Variants in CNTN5 observed in about 807,000 individuals in gnomAD.
CNTN5 encodes contactin 5.
Under a neutral mutation model 129.1 loss-of-function variants are expected in CNTN5, and 77 were observed. The observed-to-expected ratio is 0.60, with a 90% CI of 0.50 to 0.72. The LOEUF (loss-of-function observed/expected upper bound fraction) is 0.72, where lower values mean the gene tolerates loss of function less well. Ranked by LOEUF, CNTN5 falls within the 30% of genes least tolerant of loss-of-function variation. The pLI, the probability that CNTN5 is intolerant of heterozygous loss-of-function variation, is 0.00. For synonymous variants in CNTN5, 509 were observed against 465.6 expected (o/e 1.09, Z -1.20); for missense variants, 1,478 against 1,328.8 (o/e 1.11, Z -1.75).
chr11:99,309,671 T>A (rs1865024185), intron 1 of CNTN5, among the ~76,000 whole-genome samples: 1 of 152,228 alleles, frequency 6.6e-6, no homozygotes. Context: ...GTTTGCTATC[T>A]AAATACCTAC....
At chr11:99,885,788 G>T (rs1379908570) in intron 6 of CNTN5, among the ~76,000 whole-genome samples, 2 of 152,108 alleles carry the variant, frequency 1.3e-5, no homozygotes, top group African/African-American at 4.8e-5. Flanking sequence ...ACAACTCCAA[G>T]TGTAATAGAG....
At chr11:99,734,331 C>T (rs1211589208) in intron 3 of CNTN5, among the ~76,000 whole-genome samples, 1 of 152,118 alleles carries the variant, frequency 6.6e-6, no homozygotes, top group Non-Finnish European at 1.5e-5. Flanking sequence ...AGATCTTATT[C>T]ATTCTATCTA....
chr11:99,756,476 G>A (rs1730420738), intron 3 of CNTN5, among the ~76,000 whole-genome samples: 1 of 152,066 alleles, frequency 6.6e-6, no homozygotes. Flanking sequence ...GAAGTTTCAG[G>A]AAAGGTAGAT....
intron 3 of CNTN5, among the ~76,000 whole-genome samples, chr11:99,586,434 G>C (rs768256261): frequency 5.3e-5 from 8 of 152,036 alleles, no homozygotes; most frequent in Non-Finnish European, 1.2e-4. Flanking sequence ...TAGTTTATTC[G>C]TTTTCTTTTT....
At chr11:99,305,538 G>A (rs572628481) in intron 1 of CNTN5, among the ~76,000 whole-genome samples, 4 of 152,120 alleles carry the variant, frequency 2.6e-5, no homozygotes, top group South Asian at 2.1e-4. Flanking sequence ...TTTTATATAC[G>A]GTCTTTCAGA....
intron 3 of CNTN5, among the ~76,000 whole-genome samples, chr11:99,805,827 C>T (rs1225453408): frequency 6.6e-6 from 1 of 152,060 alleles, no homozygotes; most frequent in African/African-American, 2.4e-5. Context: ...CTGTCATTTT[C>T]TAAAAGGAGA....
At chr11:99,735,007 CAAAACA>C (rs72075479) in intron 3 of CNTN5, among the ~76,000 whole-genome samples, 33,564 of 151,608 alleles carry the variant, frequency 0.22, 4,238 homozygotes, top group African/African-American at 0.36. Flanking sequence ...GACTCCGTCT[CAAAACA>C]AAAACAAAAA....
chr11:100,067,885 G>A (rs1943757390), intron 10 of CNTN5, among the ~76,000 whole-genome samples: 1 of 151,840 alleles, frequency 6.6e-6, no homozygotes, highest in African/African-American at 2.4e-5. Flanking sequence ...TTGTATTAAT[G>A]TCATTAATCA....
chr11:99,675,178 A>G (rs1473610248), intron 3 of CNTN5, among the ~76,000 whole-genome samples: 1 of 152,120 alleles, frequency 6.6e-6, no homozygotes, highest in Non-Finnish European at 1.5e-5. Flanking sequence ...ATTATTGACT[A>G]ACTAGTGCTA....
intron 1 of CNTN5, among the ~76,000 whole-genome samples, chr11:99,100,911 T>C (rs1348578780): frequency 1.3e-5 from 2 of 152,222 alleles, no homozygotes; most frequent in Non-Finnish European, 2.9e-5. Flanking sequence ...ATATATTTCT[T>C]ACATGACTTT....
intron 2 of CNTN5, among the ~76,000 whole-genome samples, chr11:99,465,940 G>A (rs1356146045): frequency 6.9e-6 from 1 of 145,650 alleles, no homozygotes; most frequent in Non-Finnish European, 1.5e-5. Flanking sequence ...GGAGTGCAGT[G>A]GTGCGATCTC....
At chr11:99,777,938 G>T (rs867963982) in intron 3 of CNTN5, among the ~76,000 whole-genome samples, 5 of 151,954 alleles carry the variant, frequency 3.3e-5, no homozygotes, top group Middle Eastern at 6.8e-3. Flanking sequence ...AACACAGGAA[G>T]AAGAAATGGT....
chr11:99,309,402 A>G, intron 1 of CNTN5, among the ~76,000 whole-genome samples: 1 of 152,222 alleles, frequency 6.6e-6, no homozygotes, highest in African/African-American at 2.4e-5. Flanking sequence ...AGCACAGCGT[A>G]TCCGCTAAAA....
At chr11:100,351,813 A>G (rs1952421914) in intron 24 of CNTN5, among the ~76,000 whole-genome samples, 1 of 151,574 alleles carries the variant, frequency 6.6e-6, no homozygotes, top group African/African-American at 2.4e-5. Flanking sequence ...AGAATTATCA[A>G]CCTACAGGGA....
chr11:99,510,926 C>T (rs1214654192), intron 2 of CNTN5, among the ~76,000 whole-genome samples: 2 of 152,078 alleles, frequency 1.3e-5, no homozygotes, highest in Non-Finnish European at 1.5e-5. Context: ...TAGGAGATGA[C>T]AGCTTCGTGC....
intron 3 of CNTN5, among the ~76,000 whole-genome samples, chr11:99,583,541 A>G (rs1452826731): frequency 6.6e-6 from 1 of 152,164 alleles, no homozygotes; most frequent in Non-Finnish European, 1.5e-5. Flanking sequence ...CCCCTCCCCC[A>G]GCCTCGCTGC....
chr11:99,322,755 T>C (rs1266055961), intron 1 of CNTN5, among the ~76,000 whole-genome samples: 1 of 152,120 alleles, frequency 6.6e-6, no homozygotes, highest in Non-Finnish European at 1.5e-5. Flanking sequence ...AAAAAGAAGA[T>C]ACAGATACTG....
chr11:99,110,472 T>C (rs951703754), intron 1 of CNTN5, among the ~76,000 whole-genome samples: 1 of 152,184 alleles, frequency 6.6e-6, no homozygotes, highest in Non-Finnish European at 1.5e-5. Flanking sequence ...TTGTAAGCAA[T>C]GTTGGCCTTG....
chr11:100,206,683 A>G (rs1352055107), intron 15 of CNTN5, among the ~76,000 whole-genome samples: 1 of 151,992 alleles, frequency 6.6e-6, no homozygotes, highest in Admixed American at 6.6e-5. Flanking sequence ...GCTGCTTGTT[A>G]TTCTAAAGGC....
Sources: gnomAD v4.1 joint callset for allele counts (sites outside exome capture counted in the v4.1 genomes callset) on GRCh38, gnomAD v4.1.1 for gene constraint, MANE v1.5 for transcripts, NCBI Gene and HGNC (gene_info 2026-07-23, HGNC 2026-07-21) for gene names.